The following GRM8 variants were observed in gnomAD, a reference collection of about 807,000 sequenced individuals.
The protein encoded by GRM8 is glutamate metabotropic receptor 8.
GRM8 carries 47 observed loss-of-function variants against 87.2 expected under a neutral mutation model. The ratio of observed to expected loss-of-function variants is 0.54; its 90% CI spans 0.43 to 0.69. GRM8 has a LOEUF of 0.69. Among genes scored for constraint, GRM8 ranks in the 30% least tolerant of loss-of-function variants. The pLI is 0.00. For missense variants in GRM8, 1,019 were observed against 1,139.2 expected (o/e 0.89, Z 1.52); for synonymous variants, 396 against 404.5 (o/e 0.98, Z 0.25).
intron 3 of GRM8, among the ~76,000 whole-genome samples, chr7:127,055,293 T>A (rs1819873463): frequency 6.6e-6 from 1 of 152,170 alleles, no homozygotes; most frequent in South Asian, 2.1e-4. Flanking sequence ...GTCTATGGAA[T>A]GAAAATAGTC....
At chr7:126,476,170 G>C (rs1271719274) in intron 9 of GRM8, among the ~76,000 whole-genome samples, 2 of 152,152 alleles carry the variant, frequency 1.3e-5, no homozygotes. Flanking sequence ...GCTGAGGTGG[G>C]AGGACAGCTT....
chr7:126,576,282 GT>G (rs1333627520), intron 8 of GRM8, among the ~76,000 whole-genome samples: 2 of 152,000 alleles, frequency 1.3e-5, no homozygotes, highest in East Asian at 3.9e-4. Flanking sequence ...TTCTGTTTTG[GT>G]TTTTTGTTTT....
intron 3 of GRM8, among the ~76,000 whole-genome samples, chr7:126,921,561 A>T (rs1804535903): frequency 6.6e-6 from 1 of 152,204 alleles, no homozygotes; most frequent in Non-Finnish European, 1.5e-5. Flanking sequence ...ACAAAATTTT[A>T]AAACACTCGT....
chr7:127,046,336 C>A (rs1818925159), intron 3 of GRM8, among the ~76,000 whole-genome samples: 1 of 151,784 alleles, frequency 6.6e-6, no homozygotes, highest in Admixed American at 6.6e-5. Context: ...CGCACCACTG[C>A]ACTCCAGCCT....
chr7:126,718,614 A>G (rs1812023714), intron 7 of GRM8, among the ~76,000 whole-genome samples: 1 of 152,208 alleles, frequency 6.6e-6, no homozygotes, highest in Admixed American at 6.5e-5. Context: ...AGATGTAACC[A>G]CATGTGAACT....
chr7:126,911,456 T>C (rs927483603), intron 3 of GRM8, among the ~76,000 whole-genome samples: 1 of 152,228 alleles, frequency 6.6e-6, no homozygotes, highest in African/African-American at 2.4e-5. Flanking sequence ...TGGTTAAAAC[T>C]ATTAAAATAT....
intron 9 of GRM8, chr7:126,512,305 A>G (rs1035708636): frequency 2.6e-5 from 4 of 152,184 alleles, no homozygotes; most frequent in African/African-American, 9.7e-5. Flanking sequence ...TACTTTGTGC[A>G]GATTCCCTAT....
intron 3 of GRM8, among the ~76,000 whole-genome samples, chr7:127,099,929 T>C (rs1825059170): frequency 6.6e-6 from 1 of 152,118 alleles, no homozygotes; most frequent in Non-Finnish European, 1.5e-5. Flanking sequence ...TATTCCAATA[T>C]ATCTTCATTT....
chr7:127,140,202 G>C (rs1156607100), intron 2 of GRM8, among the ~76,000 whole-genome samples: 1 of 152,038 alleles, frequency 6.6e-6, no homozygotes, highest in Non-Finnish European at 1.5e-5. Context: ...TGACATCTTA[G>C]ACTGGTTAAT....
intron 6 of GRM8, among the ~76,000 whole-genome samples, chr7:126,796,752 C>T (rs528697392): frequency 6.6e-6 from 1 of 151,956 alleles, no homozygotes; most frequent in Non-Finnish European, 1.5e-5. Flanking sequence ...GTTAAAGCAC[C>T]CTCCAAAAAG....
chr7:127,098,404 A>C (rs1281741172), intron 3 of GRM8, among the ~76,000 whole-genome samples: 1 of 152,172 alleles, frequency 6.6e-6, no homozygotes, highest in African/African-American at 2.4e-5. Flanking sequence ...ACTTCGTTTT[A>C]ATCTTAAAGT....
At position 127,252,050 on chromosome 7, in the gene GRM8, G is replaced by C. The variant is rs1449142520; in HGVS notation, c.-312+747C>G. On this transcript the variant is annotated intron_variant, in intron 1 of 10. Transcript: ENST00000339582. This position sits in a 1 kb window ranked among gnomAD's most constrained non-coding sequence, Gnocchi z 4.9. The stretch of plus-strand genomic sequence containing the variant: ...GACATCCATCCAGCCCACGCTCAGA[G>C]GGCGGGGGTTACCCCGACTCATCCC... 3 of 152,214 alleles carry C rather than the reference G, an allele frequency of 2.0e-5. No homozygotes were observed. The highest frequency in any genetic ancestry group is 2.1e-4 in the South Asian group (1 of 4,828). 9.4% of individuals were successfully genotyped at this position (152,214 alleles called of 1,614,324 possible).
At chr7:127,119,260 G>T (rs1050951689) in intron 2 of GRM8, among the ~76,000 whole-genome samples, 1 of 152,074 alleles carries the variant, frequency 6.6e-6, no homozygotes, top group African/African-American at 2.4e-5. Context: ...AGGCCGAGTT[G>T]GGATTGCTTG....
chr7:127,117,858 A>G (rs534843468), intron 2 of GRM8, among the ~76,000 whole-genome samples: 162 of 152,352 alleles, frequency 1.1e-3, no homozygotes, highest in Admixed American at 3.1e-3. Flanking sequence ...AAAGTCAGTA[A>G]TTATAACTAA....
At chr7:127,118,457 T>G (rs558308097) in intron 2 of GRM8, among the ~76,000 whole-genome samples, 4 of 152,336 alleles carry the variant, frequency 2.6e-5, no homozygotes, top group South Asian at 4.1e-4. Context: ...TGAACATTTT[T>G]GGGAAGCCTA....
chr7:126,868,529 C>T (rs1341429067), intron 6 of GRM8, among the ~76,000 whole-genome samples: 1 of 152,166 alleles, frequency 6.6e-6, no homozygotes, highest in East Asian at 1.9e-4. Context: ...ATGTGTCTGC[C>T]ATCCTTTGGG....
At chr7:127,190,503 C>A (rs1794968226) in intron 2 of GRM8, among the ~76,000 whole-genome samples, 1 of 151,552 alleles carries the variant, frequency 6.6e-6, no homozygotes, top group South Asian at 2.1e-4. Flanking sequence ...GGGATCGTGC[C>A]ATTGCACTCC....
intron 8 of GRM8, among the ~76,000 whole-genome samples, chr7:126,538,277 A>G (rs1340160757): frequency 6.6e-6 from 1 of 152,200 alleles, no homozygotes; most frequent in Non-Finnish European, 1.5e-5. Flanking sequence ...AGAAAAGTCA[A>G]CTAGGAGTAC....
intron 3 of GRM8, among the ~76,000 whole-genome samples, chr7:127,012,340 C>A (rs571806492): frequency 1.3e-5 from 2 of 152,200 alleles, no homozygotes; most frequent in African/African-American, 4.8e-5. Flanking sequence ...GTGCCCAATA[C>A]TGTGCTAGCA....
Sources: gnomAD v4.1 joint callset for allele counts (sites outside exome capture counted in the v4.1 genomes callset) on GRCh38, gnomAD v4.1.1 for gene constraint, Gnocchi (gnomAD v3.1) non-coding constraint, MANE v1.5 for transcripts, NCBI Gene and HGNC (gene_info 2026-07-23, HGNC 2026-07-21) for gene names.